Variants in BMPR1B observed in about 807,000 individuals in gnomAD.
BMPR1B encodes the protein bone morphogenetic protein receptor type 1B, also known as bone morphogenetic protein receptor type-1B.
Under a neutral mutation model 59.1 loss-of-function variants are expected in BMPR1B, and 12 were observed. The ratio of observed to expected loss-of-function variants is 0.20; its 90% CI spans 0.13 to 0.33. BMPR1B has a LOEUF of 0.33. BMPR1B is among the 10% of genes least tolerant of loss of function. The pLI, the probability that BMPR1B is intolerant of heterozygous loss-of-function variation, is 1.00. For synonymous variants in BMPR1B, 237 were observed against 207.3 expected (o/e 1.14, Z -1.23); for missense variants, 550 against 610.9 (o/e 0.90, Z 1.05).
At position 95,104,583 on chromosome 4, in the gene BMPR1B, G is replaced by A. The variant is rs762767466; in HGVS notation, c.143+16G>A. On this transcript the variant is annotated intron_variant, in intron 4 of 12. Transcript: ENST00000515059. ...ATATTTGCAGGTTGGTGATATAAAT[G>A]ATTTAAAGCTAGCTTTAACAAAAAG... 1 of 1,612,954 alleles carries A rather than the reference G, an allele frequency of 6.2e-7. No individual in the cohort carries two copies.
At position 94,801,721 on chromosome 4, in the gene BMPR1B, AAAACTT is replaced by A. The variant is rs200262858; in HGVS notation, c.-183+43659_-183+43664del. ...TGGAACTTGAACTAACCCTTAAACT[AAAACTT>A]AAACTAAGTTTTTTTGCATACAAAT... is the stretch of plus-strand genomic sequence containing the variant. On this transcript the variant is annotated intron_variant, in intron 1 of 12. Coordinates refer to ENST00000515059, the MANE Select transcript of BMPR1B (RefSeq NM_001203.3). Among the ~76,000 whole-genome samples the A allele has an allele frequency of 2.0e-5, 3 of 151,498 alleles. No homozygotes were observed. The East Asian group carries it at 5.8e-4, about 29-fold the overall frequency.
intron 2 of BMPR1B, among the ~76,000 whole-genome samples, chr4:94,886,319 AT>A (rs1727169463): frequency 6.6e-6 from 1 of 152,152 alleles, no homozygotes; most frequent in African/African-American, 2.4e-5. Flanking sequence ...TCTGGTTTAA[AT>A]TTTTTTATAA....
intron 1 of BMPR1B, among the ~76,000 whole-genome samples, chr4:94,839,656 C>T: frequency 6.9e-6 from 1 of 145,188 alleles, no homozygotes. Flanking sequence ...ATGTGTGTCT[C>T]TGCACGTGAG....
intron 1 of BMPR1B, among the ~76,000 whole-genome samples, chr4:94,815,315 A>T (rs6842016): frequency 0.13 from 20,130 of 152,104 alleles, 2,047 homozygotes; most frequent in African/African-American, 0.29. Flanking sequence ...TGTAACCAAA[A>T]TTTTTTGGTC....
intron 3 of BMPR1B, among the ~76,000 whole-genome samples, chr4:95,070,848 A>C (rs1467672765): frequency 6.6e-6 from 1 of 152,190 alleles, no homozygotes; most frequent in Admixed American, 6.5e-5. Flanking sequence ...TCTTAAGACA[A>C]AACGCCTGAG....
At chr4:94,882,024 T>C (rs1726993513) in intron 2 of BMPR1B, among the ~76,000 whole-genome samples, 1 of 152,180 alleles carries the variant, frequency 6.6e-6, no homozygotes, top group South Asian at 2.1e-4. Context: ...TGATTCTGGA[T>C]TTCAAACTCA....
chr4:94,982,742 C>T (rs1226532297), intron 2 of BMPR1B, among the ~76,000 whole-genome samples: 1 of 152,098 alleles, frequency 6.6e-6, no homozygotes, highest in Non-Finnish European at 1.5e-5. Context: ...CCTGTAATCC[C>T]AGCACTTTGG....
At chr4:94,766,631 A>G (rs1245359080) in intron 1 of BMPR1B, among the ~76,000 whole-genome samples, 2 of 151,838 alleles carry the variant, frequency 1.3e-5, no homozygotes, top group African/African-American at 2.4e-5. Flanking sequence ...TGGGAAACAT[A>G]GGGAACTCAA....
At chr4:94,808,036 A>T (rs1723677933) in intron 1 of BMPR1B, among the ~76,000 whole-genome samples, 1 of 152,138 alleles carries the variant, frequency 6.6e-6, no homozygotes, top group African/African-American at 2.4e-5. Flanking sequence ...CCAGTGCAAC[A>T]TTGTACTTAA....
At chr4:95,013,760 T>C (rs974305902) in intron 3 of BMPR1B, among the ~76,000 whole-genome samples, 1 of 152,212 alleles carries the variant, frequency 6.6e-6, no homozygotes, top group African/African-American at 2.4e-5. Flanking sequence ...TGTTATAAAG[T>C]TGATATTTTA....
intron 1 of BMPR1B, among the ~76,000 whole-genome samples, chr4:94,765,753 T>C (rs573085097): frequency 1.3e-4 from 20 of 152,342 alleles, no homozygotes; most frequent in African/African-American, 4.6e-4. Flanking sequence ...GGAATTTGCA[T>C]ATAACAGTAT....
intron 2 of BMPR1B, among the ~76,000 whole-genome samples, chr4:94,924,263 C>T (rs1483007761): frequency 1.3e-5 from 2 of 152,030 alleles, no homozygotes; most frequent in African/African-American, 4.8e-5. Context: ...ATAATTATTT[C>T]CTTGCCCTTA....
chr4:95,071,652 G>GTGTATATATATA (rs59539011), intron 3 of BMPR1B, among the ~76,000 whole-genome samples: 12 of 84,328 alleles, frequency 1.4e-4, no homozygotes, highest in East Asian at 1.4e-3. Context: ...GTGTGTGTGT[G>GTGTATATATATA]TATATATATA....
At chr4:95,017,027 G>A (rs1257933897) in intron 3 of BMPR1B, among the ~76,000 whole-genome samples, 1 of 152,086 alleles carries the variant, frequency 6.6e-6, no homozygotes, top group South Asian at 2.1e-4. Context: ...TTTTTCCATA[G>A]GGAAAACATT....
intron 3 of BMPR1B, chr4:95,051,647 C>A: frequency 6.6e-7 from 1 of 1,510,624 alleles, no homozygotes; most frequent in Non-Finnish European, 8.9e-7. Context: ...GACGGAAAGG[C>A]AAGAAACAGG....
intron 2 of BMPR1B, among the ~76,000 whole-genome samples, chr4:94,950,309 A>G (rs1266577802): frequency 6.6e-6 from 1 of 151,738 alleles, no homozygotes; most frequent in Non-Finnish European, 1.5e-5. Flanking sequence ...CCATTTGTCA[A>G]TGTTGGCTTT....
intron 3 of BMPR1B, among the ~76,000 whole-genome samples, chr4:95,020,851 C>T (rs1180544073): frequency 6.6e-6 from 1 of 152,148 alleles, no homozygotes; most frequent in African/African-American, 2.4e-5. Flanking sequence ...GCTAGGATTA[C>T]AGGCACATAC....
chr4:95,149,770 T>G (rs973190926), intron 11 of BMPR1B, among the ~76,000 whole-genome samples: 7 of 152,230 alleles, frequency 4.6e-5, no homozygotes, highest in Admixed American at 3.9e-4. Context: ...ATTCTGAAAG[T>G]GCAGCATGCA....
chr4:95,035,306 G>C (rs1258362731), intron 3 of BMPR1B, among the ~76,000 whole-genome samples: 1 of 152,060 alleles, frequency 6.6e-6, no homozygotes, highest in Non-Finnish European at 1.5e-5. Context: ...ATTTATCTTT[G>C]TTTTTGTTGC....
Sources: allele counts gnomAD v4.1 joint callset (sites outside exome capture counted in the v4.1 genomes callset), GRCh38; gene constraint gnomAD v4.1.1; transcripts MANE v1.5; gene names NCBI Gene and HGNC (gene_info 2026-07-23, HGNC 2026-07-21).